Variants in MGA observed in about 807,000 individuals in gnomAD.
MGA encodes the protein MAX dimerization protein MGA.
MGA carries 40 observed loss-of-function variants against 261.1 expected under a neutral mutation model. The ratio of observed to expected loss-of-function variants is 0.15; its 90% CI spans 0.12 to 0.20. The LOEUF (loss-of-function observed/expected upper bound fraction) is 0.20, where lower values mean the gene tolerates loss of function less well. Among genes scored for constraint, MGA ranks in the 10% least tolerant of loss-of-function variants. The pLI is 1.00. For missense variants in MGA, 3,397 were observed against 3,630.5 expected (o/e 0.94, Z 1.65); for synonymous variants, 1,302 against 1,290.6 (o/e 1.01, Z -0.19).
chr15:41,760,674 G>A (rs2151996005), intron 20 of MGA, 145 bp downstream of exon 20: 2 of 733,998 alleles, frequency 2.7e-6, no homozygotes, highest in South Asian at 1.9e-5. Flanking sequence ...TGAATGCCCA[G>A]TAAATCCCTT....
At chr15:41,703,457 A>G (rs1447040431) in intron 5 of MGA, among the ~76,000 whole-genome samples, 4 of 141,382 alleles carry the variant, frequency 2.8e-5, no homozygotes, top group Non-Finnish European at 6.1e-5. Context: ...TTAATGTGCA[A>G]GAAGTTATAT....
intron 15 of MGA, 126 bp downstream of exon 15, chr15:41,743,298 T>G (rs1219436075): frequency 8.3e-7 from 1 of 1,210,264 alleles, no homozygotes; most frequent in Non-Finnish European, 1.1e-6. Flanking sequence ...ACATGATACA[T>G]GTATTCCTGA....
chr15:41,630,749 G>A (rs2056571354), intron 1 of MGA, among the ~76,000 whole-genome samples: 3 of 152,192 alleles, frequency 2.0e-5, no homozygotes, highest in Admixed American at 2.0e-4. Context: ...CAGCTTCTCA[G>A]TAGTCGGGAA....
rs373844865 is a variant in MGA at position 41,741,105 on chromosome 15, T to A, written c.4585+902T>A. Reference sequence around the variant, plus strand: ...GGCTCACTCCTGTAATTCCAGCACTTTGGGAGGCCGAGGCGGGTGGATCAC... The same window carrying A: ...GGCTCACTCCTGTAATTCCAGCACTATGGGAGGCCGAGGCGGGTGGATCAC... On this transcript the variant is annotated intron_variant, in intron 14 of 23. Transcript: ENST00000219905. Among the ~76,000 whole-genome samples, 17 of 152,196 alleles carry A rather than the reference T, an allele frequency of 1.1e-4. No homozygotes were observed. In the East Asian group the frequency reaches 2.9e-3, roughly 26 times the overall value.
intron 11 of MGA, among the ~76,000 whole-genome samples, chr15:41,732,100 CTTTA>C (rs985806333): frequency 3.3e-5 from 5 of 149,572 alleles, no homozygotes; most frequent in Admixed American, 6.6e-5. Flanking sequence ...CCAAAGGTGT[CTTTA>C]TTTATTTATT....
rs1222411508 is a variant in MGA at position 41,754,544 on chromosome 15, C to G, written c.7116C>G (p.Ala2372=). Residue 2372 remains alanine, a synonymous_variant, in exon 18 of 24, where the codon GCC becomes GCG. Coordinates refer to ENST00000219905, the MANE Select transcript of MGA (RefSeq NM_001164273.2). ...TTGCTCACCTGAAGACCACAGCGGC[C>G]CACACACAGTCATTCAAACAGCCGT... The G allele has an allele frequency of 1.3e-6, 2 of 1,586,120 alleles. No homozygotes were observed. The highest frequency in any genetic ancestry group is 2.7e-5 in the African/African-American group (2 of 74,330).
At chr15:41,646,854 G>C (rs546232691) in intron 1 of MGA, among the ~76,000 whole-genome samples, 1 of 152,168 alleles carries the variant, frequency 6.6e-6, no homozygotes, top group African/African-American at 2.4e-5. Flanking sequence ...TCTGTAACCT[G>C]TATGTGTACA....
chr15:41,712,456 T>C (rs1479989254), intron 8 of MGA, among the ~76,000 whole-genome samples: 1 of 152,126 alleles, frequency 6.6e-6, no homozygotes, highest in Non-Finnish European at 1.5e-5. Context: ...GGGCTCAAGC[T>C]ATCTGCCTGC....
chr15:41,701,574 C>G (rs1042645261), intron 5 of MGA, among the ~76,000 whole-genome samples: 1 of 152,108 alleles, frequency 6.6e-6, no homozygotes, highest in African/African-American at 2.4e-5. Context: ...GAGTTGGACT[C>G]TGGTCGGGTA....
At chr15:41,683,669 C>G (rs2058793403) in intron 2 of MGA, among the ~76,000 whole-genome samples, 1 of 150,720 alleles carries the variant, frequency 6.6e-6, no homozygotes, top group East Asian at 2.0e-4. Flanking sequence ...GCCTTGACCT[C>G]CTGGGGTCAA....
At chr15:41,675,132 G>A (rs1162911149) in intron 2 of MGA, among the ~76,000 whole-genome samples, 1 of 152,112 alleles carries the variant, frequency 6.6e-6, no homozygotes, top group East Asian at 1.9e-4. Flanking sequence ...GTGGACATAC[G>A]CACTAGTTTC....
upstream of MGA, among the ~76,000 whole-genome samples, chr15:41,656,237 A>G (rs1196083797): frequency 2.0e-5 from 3 of 152,040 alleles, no homozygotes; most frequent in African/African-American, 7.2e-5. Context: ...GGCTGGAGGC[A>G]TCTGGGGCAA....
chr15:41,662,172 T>C (rs2057453590), intron 1 of MGA, among the ~76,000 whole-genome samples: 1 of 152,162 alleles, frequency 6.6e-6, no homozygotes, highest in South Asian at 2.1e-4. Context: ...GGGTCCACTT[T>C]ACAGAAAACA....
At chr15:41,678,790 GAA>G (rs1317733099) in intron 2 of MGA, among the ~76,000 whole-genome samples, 1 of 150,626 alleles carries the variant, frequency 6.6e-6, no homozygotes, top group African/African-American at 2.4e-5. Context: ...ACCACAAAAT[GAA>G]AAGACTGTCC....
intron 1 of MGA, among the ~76,000 whole-genome samples, chr15:41,665,302 T>C (rs551910681): frequency 1.3e-5 from 2 of 152,314 alleles, no homozygotes; most frequent in East Asian, 1.9e-4. Context: ...GGTGGTGATG[T>C]AGCATCTTCC....
At chr15:41,630,413 G>A (rs2056563526) in intron 1 of MGA, among the ~76,000 whole-genome samples, 1 of 152,154 alleles carries the variant, frequency 6.6e-6, no homozygotes, top group East Asian at 1.9e-4. Context: ...TTGGCATGTG[G>A]TAGATGCTTA....
intron 2 of MGA, among the ~76,000 whole-genome samples, chr15:41,675,662 C>A (rs978316602): frequency 2.0e-5 from 3 of 152,180 alleles, no homozygotes; most frequent in African/African-American, 7.2e-5. Flanking sequence ...CGGGAGTGAG[C>A]CACTGTGCCC....
chr15:41,633,630 C>T (rs1192218506), intron 1 of MGA, among the ~76,000 whole-genome samples: 1 of 151,934 alleles, frequency 6.6e-6, no homozygotes, highest in Non-Finnish European at 1.5e-5. Flanking sequence ...GCCATGTTGC[C>T]CAGGCTGGTC....
At chr15:41,643,954 A>T (rs1010351741) in intron 1 of MGA, among the ~76,000 whole-genome samples, 1 of 149,970 alleles carries the variant, frequency 6.7e-6, no homozygotes, top group Non-Finnish European at 1.5e-5. Context: ...TAGTTTCAGC[A>T]CTTACTTTTA....
Sources: allele counts gnomAD v4.1 joint callset (sites outside exome capture counted in the v4.1 genomes callset), GRCh38; gene constraint gnomAD v4.1.1; transcripts MANE v1.5; gene names NCBI Gene and HGNC (gene_info 2026-07-23, HGNC 2026-07-21).